RABL3: variants seen among roughly 807,000 people sequenced by gnomAD.
RABL3 encodes rab-like protein 3.
A neutral mutation model predicts 31.8 loss-of-function variants in RABL3; 31 were observed. That is an observed-to-expected ratio of 0.97 (90% CI 0.73 to 1.31). The LOEUF (loss-of-function observed/expected upper bound fraction) is 1.31. Ranked by LOEUF, RABL3 falls within the 40% of genes most tolerant of loss-of-function variation. RABL3 has a pLI of 0.00. For missense variants in RABL3, 263 were observed against 279.6 expected (o/e 0.94, Z 0.42); for synonymous variants, 97 against 99.9 (o/e 0.97, Z 0.18).
At chr3:120,713,498 T>G (rs1576338341) in intron 2 of RABL3, among the ~76,000 whole-genome samples, 1 of 152,222 alleles carries the variant, frequency 6.6e-6, no homozygotes, top group African/African-American at 2.4e-5. Flanking sequence ...GGTGCTATAC[T>G]GAGAACCCAA....
intron 1 of RABL3, 96 bp from the exon 2 acceptor site, chr3:120,730,883 T>G: frequency 1.3e-6 from 1 of 798,360 alleles, no homozygotes; most frequent in Middle Eastern, 2.3e-4. Context: ...TAATGTTAAG[T>G]AAAGCATAGT....
chr3:120,734,100 G>A (rs1186771659), intron 1 of RABL3, among the ~76,000 whole-genome samples: 3 of 152,184 alleles, frequency 2.0e-5, no homozygotes, highest in Non-Finnish European at 2.9e-5. Context: ...TTGGTAGCTT[G>A]ATGGGGATGG....
intron 2 of RABL3, among the ~76,000 whole-genome samples, chr3:120,729,716 T>A (rs1394847868): frequency 6.6e-6 from 1 of 152,080 alleles, no homozygotes; most frequent in East Asian, 1.9e-4. Flanking sequence ...TTGAAGAGAT[T>A]CTTAGTTAAC....
intron 4 of RABL3, among the ~76,000 whole-genome samples, chr3:120,704,719 C>T (rs1708530162): frequency 6.6e-6 from 1 of 152,044 alleles, no homozygotes; most frequent in Admixed American, 6.5e-5. Context: ...TTTTTTTATA[C>T]TAGCAATGGA....
In RABL3 at chr3:120,686,987, G is replaced by A. The variant is rs1005118814; in HGVS notation, c.*2836C>T. On this transcript the variant is annotated 3_prime_UTR_variant, in exon 8 of 8. Transcript: ENST00000273375. Reference sequence around the variant, plus strand: ...AGGGTTTATGGCCTGCTTCAGGGGAGAAGGGGTAAGGGGAAGGTATGAGAA... The same window carrying A: ...AGGGTTTATGGCCTGCTTCAGGGGAAAAGGGGTAAGGGGAAGGTATGAGAA... 3.9e-5 allele frequency: 6 copies of A among 152,162 alleles called. No individual in the cohort carries two copies. The highest frequency in any genetic ancestry group is 1.9e-4 in the East Asian group (1 of 5,186). The allele number at this position is 152,162 out of a possible 1,614,324, so 9.4% of individuals were successfully genotyped here.
intron 4 of RABL3, among the ~76,000 whole-genome samples, chr3:120,701,775 A>G (rs185833745): frequency 1.1e-4 from 17 of 152,352 alleles, no homozygotes; most frequent in Non-Finnish European, 2.4e-4. Context: ...AAAGCCTTTG[A>G]AAGACTTGCT....
intron 2 of RABL3, among the ~76,000 whole-genome samples, chr3:120,713,669 A>G (rs1708635948): frequency 6.6e-6 from 1 of 152,224 alleles, no homozygotes; most frequent in African/African-American, 2.4e-5. Flanking sequence ...TCAAATGGAA[A>G]AAGGAACAGT....
intron 2 of RABL3, among the ~76,000 whole-genome samples, chr3:120,718,435 C>A (rs760462521): frequency 6.6e-6 from 1 of 152,334 alleles, no homozygotes; most frequent in South Asian, 2.1e-4. Flanking sequence ...GTACTAGCTT[C>A]CTATTAGCAT....
intron 5 of RABL3, among the ~76,000 whole-genome samples, chr3:120,697,307 T>TA (rs1258757594): frequency 6.6e-6 from 1 of 152,248 alleles, no homozygotes; most frequent in Non-Finnish European, 1.5e-5. Context: ...TTGGTCTTGT[T>TA]ACGTCTCTCC....
intron 2 of RABL3, among the ~76,000 whole-genome samples, chr3:120,719,651 G>A (rs998598632): frequency 6.6e-6 from 1 of 152,220 alleles, no homozygotes; most frequent in Non-Finnish European, 1.5e-5. Flanking sequence ...CAGGCTGGGG[G>A]AGGGGCACCC....
intron 2 of RABL3, among the ~76,000 whole-genome samples, chr3:120,712,691 G>A (rs1263038749): frequency 1.3e-5 from 2 of 152,166 alleles, no homozygotes; most frequent in East Asian, 1.9e-4. Flanking sequence ...GTAAGGGCAC[G>A]GACCATGTAT....
chr3:120,696,838 A>G (rs1050571128), intron 5 of RABL3, among the ~76,000 whole-genome samples: 1 of 152,186 alleles, frequency 6.6e-6, no homozygotes, highest in African/African-American at 2.4e-5. Context: ...AGTGCTGACT[A>G]CCTGGGGTAT....
chr3:120,710,132 C>G (rs554507890), intron 2 of RABL3, among the ~76,000 whole-genome samples: 11 of 152,054 alleles, frequency 7.2e-5, no homozygotes, highest in African/African-American at 2.7e-4. Context: ...ACTTCCGAAG[C>G]CTCACCTCCC....
In RABL3 at chr3:120,685,767, G is replaced by C. The variant is rs1708301022; in HGVS notation, c.*4056C>G. Among the ~76,000 whole-genome samples, 1 of 152,126 alleles carries C rather than the reference G, an allele frequency of 6.6e-6. No homozygotes were observed. Among genetic ancestry groups the C allele is most frequent in the Non-Finnish European group, 1.5e-5 (1 of 68,010 alleles). ...ATCTATATTCCCTACTTTTTGATGA[G>C]TTTATTTGTCTTTCTTAAAGGCTAG... On this transcript the variant is annotated 3_prime_UTR_variant, in exon 8 of 8. Coordinates refer to ENST00000273375, the MANE Select transcript of RABL3 (RefSeq NM_173825.5).
chr3:120,698,954 G>A (rs971402586), intron 4 of RABL3, among the ~76,000 whole-genome samples: 4 of 152,188 alleles, frequency 2.6e-5, no homozygotes, highest in African/African-American at 4.8e-5. Flanking sequence ...AGCAGAGAGT[G>A]GATTTAAGCC....
At chr3:120,710,702 T>A (rs1708603756) in intron 2 of RABL3, among the ~76,000 whole-genome samples, 1 of 152,054 alleles carries the variant, frequency 6.6e-6, no homozygotes. Flanking sequence ...TACCATCAAA[T>A]TTTCCTTCTC....
chr3:120,738,223 G>C (rs1434238176), intron 1 of RABL3, among the ~76,000 whole-genome samples: 1 of 152,182 alleles, frequency 6.6e-6, no homozygotes, highest in Non-Finnish European at 1.5e-5. Flanking sequence ...CCCTCCCCCA[G>C]CCTCACTGCC....
At chr3:120,697,800 A>C (rs184295693) in intron 5 of RABL3, among the ~76,000 whole-genome samples, 133 of 152,334 alleles carry the variant, frequency 8.7e-4, no homozygotes, top group Admixed American at 2.9e-3. Flanking sequence ...TAAAAGCAAG[A>C]ATAATATGCT....
In RABL3 at chr3:120,709,887, G is replaced by C; in HGVS notation, c.161C>G (p.Thr54Ser). The C allele has an allele frequency of 6.2e-7, 1 of 1,601,454 alleles. No individual in the cohort carries two copies. The highest frequency in any genetic ancestry group is 1.1e-5 in the South Asian group (1 of 89,062). The change falls in exon 3 of 8, where the codon ACC (threonine) becomes AGC (serine). Residue 54 changes from threonine (T) to serine (S), a missense_variant. By Grantham distance (58) the Thr-to-Ser change is moderately conservative. Coordinates refer to ENST00000273375, the MANE Select transcript of RABL3 (RefSeq NM_173825.5). ...DVRVHDYKEGTPEEKTYYIEL... is the reference protein window; with the variant it reads ...DVRVHDYKEGSPEEKTYYIEL... ...TATGTAGTAGGTCTTCTCTTCTGGG[G>C]TTCCTTCTTTGTAATCATGAACCTA...
Sources: gnomAD v4.1 joint callset for allele counts (sites outside exome capture counted in the v4.1 genomes callset) on GRCh38, gnomAD v4.1.1 for gene constraint, MANE v1.5 for transcripts, NCBI Gene and HGNC (gene_info 2026-07-23, HGNC 2026-07-21) for gene names.